Variants in DHX35 observed in about 807,000 individuals in gnomAD.
DHX35 encodes probable ATP-dependent RNA helicase DHX35.
A neutral mutation model predicts 99.6 loss-of-function variants in DHX35; 84 were observed. That is an observed-to-expected ratio of 0.84 (90% confidence interval 0.71 to 1.01). The LOEUF (loss-of-function observed/expected upper bound fraction) is 1.01. DHX35 is among the 50% of genes least tolerant of loss of function. The pLI is 0.00. For missense variants in DHX35, 852 were observed against 888.5 expected, an observed-to-expected ratio of 0.96 and a Z score of 0.52; for synonymous variants, 331 against 316.2, an observed-to-expected ratio of 1.05 and a Z score of -0.50.
At chr20:38,986,617 C>T (rs912059283) in intron 4 of DHX35, among the ~76,000 whole-genome samples, 6 of 152,128 alleles carry the variant, frequency 3.9e-5, no homozygotes, top group African/African-American at 1.4e-4. Context: ...TCTCTATGCA[C>T]ACATTCTCTA....
chr20:38,991,893 C>T (rs1233161837), intron 6 of DHX35, among the ~76,000 whole-genome samples: 1 of 152,176 alleles, frequency 6.6e-6, no homozygotes, highest in African/African-American at 2.4e-5. Context: ...TCACTCACAG[C>T]ATTAAAGCTG....
At chr20:38,972,312 A>G (rs2086014328) in intron 2 of DHX35, among the ~76,000 whole-genome samples, 1 of 142,916 alleles carries the variant, frequency 7.0e-6, no homozygotes, top group African/African-American at 2.7e-5. Context: ...CACCCGGCCT[A>G]TAATTTCTTA....
chr20:38,969,103 C>T lies in DHX35; in HGVS notation c.63C>T (p.Ser21=). The T allele has an allele frequency of 6.2e-7, 1 of 1,612,282 alleles. No homozygotes were observed. The highest frequency in any genetic ancestry group is 8.5e-7 in the Non-Finnish European group (1 of 1,178,772). ...WRPGTEGPGV[S]ISEERQSLAE... Reference sequence around the variant, plus strand: ...CAGGTACAGAGGGGCCAGGTGTAAGCATCTCTGAAGAGAGACAAAGTCTGG... The same window carrying T: ...CAGGTACAGAGGGGCCAGGTGTAAGTATCTCTGAAGAGAGACAAAGTCTGG... The change falls in exon 2 of 22, where the codon AGC becomes AGT. Residue 21 remains serine, a synonymous_variant. Coordinates refer to ENST00000252011, the MANE Select transcript of DHX35 (RefSeq NM_021931.4).
At chr20:39,025,192 T>C (rs1450855804) in intron 17 of DHX35, 38 bp from the exon 18 acceptor site, 3 of 1,588,630 alleles carry the variant, frequency 1.9e-6, no homozygotes, top group African/African-American at 2.7e-5. Context: ...CGAGAACATA[T>C]CTGTTTTCTA....
intron 9 of DHX35, among the ~76,000 whole-genome samples, 188 bp downstream of exon 9, chr20:39,002,030 C>T (rs975790319): frequency 5.3e-5 from 8 of 152,224 alleles, no homozygotes; most frequent in African/African-American, 1.9e-4. Context: ...ACTGTTCACA[C>T]TGACATGCAA....
chr20:39,010,244 AT>A (rs2145911681), intron 12 of DHX35, 35 bp from the exon 13 acceptor site: 4 of 1,613,956 alleles, frequency 2.5e-6, no homozygotes, highest in South Asian at 2.2e-5. Flanking sequence ...TGATTGTGAC[AT>A]TTGGTCCCAA....
chr20:39,004,320 C>G (rs1051451052), intron 11 of DHX35, among the ~76,000 whole-genome samples: 1 of 152,108 alleles, frequency 6.6e-6, no homozygotes, highest in African/African-American at 2.4e-5. Context: ...CCACCTTGGC[C>G]TCCCAAAGTG....
rs187860160 is a variant in DHX35, at chr20:39,006,497, C to G, written c.1222+141C>G. The G allele has an allele frequency of 1.3e-3, 1,107 of 874,174 alleles. 17 individuals are homozygous for G. The highest frequency in any genetic ancestry group is 1.8e-4 in the Non-Finnish European group (105 of 575,396). The allele number at this position is 874,174 out of a possible 1,614,324, so 54.2% of individuals were successfully genotyped here. A position where few individuals can be genotyped will look rare whatever the true frequency, so the allele number is the denominator to read the frequency against. On this transcript the variant is annotated intron_variant, in intron 12 of 21. Coordinates refer to ENST00000252011, the MANE Select transcript of DHX35 (RefSeq NM_021931.4). ...ACAAGGCCCTGTGTAATCAGATCCC[C>G]ACTGCTTTCCTCACTCTAAATATGG... is the stretch of plus-strand genomic sequence containing the variant.
At position 39,037,336 on chromosome 20, in the gene DHX35, A is replaced by G. The variant is rs566678029; in HGVS notation, c.2068-1163A>G. Among the ~76,000 whole-genome samples the G allele has an allele frequency of 2.5e-4, 38 of 152,254 alleles. No individual in the cohort carries two copies. The South Asian group carries it at 7.5e-3, about 30-fold the overall frequency. ...AAATTATTTTTCCTTATTCTCAGAG[A>G]TATCTTCATTATTAGGGAAAACCCT... On this transcript the variant is annotated intron_variant, in intron 21 of 21. Coordinates refer to ENST00000252011, the MANE Select transcript of DHX35 (RefSeq NM_021931.4).
intron 11 of DHX35, 29 bp from the exon 12 acceptor site, chr20:39,006,117 T>C: frequency 6.3e-7 from 1 of 1,598,972 alleles, no homozygotes; most frequent in Non-Finnish European, 8.6e-7. Flanking sequence ...ATAAAATGAG[T>C]TTTATTCTTC....
chr20:39,015,040 G>A, intron 14 of DHX35, 106 bp downstream of exon 14: 1 of 1,288,946 alleles, frequency 7.8e-7, no homozygotes. Flanking sequence ...GAATGGGATT[G>A]GTTCTCCCCA....
At chr20:38,978,010 A>T (rs1392951368) in intron 3 of DHX35, 2 of 691,044 alleles carry the variant, frequency 2.9e-6, no homozygotes, top group African/African-American at 3.5e-5. Flanking sequence ...CCTTCCAGAT[A>T]TACTTAAGAA....
At chr20:38,975,756 C>T (rs965941230) in intron 3 of DHX35, among the ~76,000 whole-genome samples, 1 of 152,140 alleles carries the variant, frequency 6.6e-6, no homozygotes, top group African/African-American at 2.4e-5. Flanking sequence ...ATCATTGGGC[C>T]TTAGGCTGAT....
At chr20:38,989,891 G>T (rs1274750108) in intron 5 of DHX35, among the ~76,000 whole-genome samples, 1 of 152,130 alleles carries the variant, frequency 6.6e-6, no homozygotes, top group Non-Finnish European at 1.5e-5. Context: ...ATAAAACAGT[G>T]AATGAAAATA....
intron 3 of DHX35, among the ~76,000 whole-genome samples, chr20:38,976,955 A>G (rs1196437195): frequency 1.3e-5 from 2 of 152,114 alleles, no homozygotes; most frequent in Admixed American, 6.6e-5. Flanking sequence ...TTATGACTGA[A>G]TAGTATTCTA....
chr20:38,979,919 A>G (rs1645916956), intron 3 of DHX35, among the ~76,000 whole-genome samples: 1 of 151,032 alleles, frequency 6.6e-6, no homozygotes, highest in Non-Finnish European at 1.5e-5. Flanking sequence ...TTTTATTAGT[A>G]CTGTTATTGG....
intron 2 of DHX35, among the ~76,000 whole-genome samples, chr20:38,969,935 A>G (rs1052531374): frequency 6.6e-6 from 1 of 152,260 alleles, no homozygotes; most frequent in Non-Finnish European, 1.5e-5. Flanking sequence ...CAGAAATGTC[A>G]TACAGCCCCT....
intron 3 of DHX35, among the ~76,000 whole-genome samples, chr20:38,979,020 C>G (rs1175118932): frequency 6.6e-6 from 1 of 152,112 alleles, no homozygotes; most frequent in Non-Finnish European, 1.5e-5. Flanking sequence ...GGATTTACTT[C>G]TGGATTTTCT....
chr20:39,022,717 G>A, intron 16 of DHX35, among the ~76,000 whole-genome samples: 1 of 152,218 alleles, frequency 6.6e-6, no homozygotes, highest in East Asian at 1.9e-4. Context: ...TGGTCATGTT[G>A]CAGGTGGGCC....
Sources: gnomAD v4.1 joint callset for allele counts (sites outside exome capture counted in the v4.1 genomes callset) on GRCh38, gnomAD v4.1.1 for gene constraint, MANE v1.5 for transcripts, NCBI Gene and HGNC (gene_info 2026-07-23, HGNC 2026-07-21) for gene names.